Variants in BMP6 observed in about 807,000 individuals in gnomAD.
The protein encoded by BMP6 is VG-1-R.
BMP6 carries 17 observed loss-of-function variants against 54.1 expected under a neutral mutation model. The observed-to-expected ratio is 0.31, with a 90% CI of 0.22 to 0.47. The LOEUF (loss-of-function observed/expected upper bound fraction) is 0.47. Among genes scored for constraint, BMP6 ranks in the 20% least tolerant of loss-of-function variants. The pLI, the probability that BMP6 is intolerant of heterozygous loss-of-function variation, is 1.00. For synonymous variants in BMP6, 328 were observed against 291.2 expected (o/e 1.13, Z -1.28); for missense variants, 720 against 690.4 (o/e 1.04, Z -0.48).
intron 1 of BMP6, among the ~76,000 whole-genome samples, chr6:7,813,111 ATATATATATATATATAT>A (rs1581258649): frequency 5.2e-4 from 21 of 40,222 alleles, no homozygotes; most frequent in African/African-American, 7.2e-4. Flanking sequence ...AAAAAAAAAT[ATATATATATATATATAT>A]ATATATATAT....
chr6:7,809,108 A>ACCCCCCCCC (rs11365211), intron 1 of BMP6, among the ~76,000 whole-genome samples: 1 of 109,554 alleles, frequency 9.1e-6, no homozygotes, highest in Non-Finnish European at 1.9e-5. Context: ...AGTACCCCCC[A>ACCCCCCCCC]CCCCCCCCCA....
intron 4 of BMP6, among the ~76,000 whole-genome samples, chr6:7,878,275 T>C (rs1759653169): frequency 6.6e-6 from 1 of 152,198 alleles, no homozygotes; most frequent in Non-Finnish European, 1.5e-5. Flanking sequence ...AGGAAAGCCA[T>C]GTCTGACTTA....
intron 2 of BMP6, among the ~76,000 whole-genome samples, chr6:7,856,594 C>CTTTTTTTTTTTTTTTTTTT (rs1561792989): frequency 1.9e-4 from 15 of 77,230 alleles, no homozygotes; most frequent in South Asian, 5.5e-4. Context: ...TTATCAAGAG[C>CTTTTTTTTTTTTTTTTTTT]ATTTTTTTTT....
chr6:7,840,970 G>A (rs1462391606), intron 1 of BMP6, among the ~76,000 whole-genome samples: 3 of 152,140 alleles, frequency 2.0e-5, no homozygotes, highest in East Asian at 1.9e-4. Context: ...CTGTAGACTC[G>A]TGAATAAATT....
In BMP6 at chr6:7,871,206, C is replaced by T. The variant is rs1294199209; in HGVS notation, c.1205-7868C>T. ...AGAAAAGAAAAATCTCCACTTAAAACCCATGTTCAAATATCTGTAATGTTC... is the reference window on the plus strand; with the variant it reads ...AGAAAAGAAAAATCTCCACTTAAAATCCATGTTCAAATATCTGTAATGTTC... On this transcript the variant is annotated intron_variant, in intron 4 of 6. Coordinates refer to ENST00000283147, the MANE Select transcript of BMP6 (RefSeq NM_001718.6). Among the ~76,000 whole-genome samples, 5 of 152,324 alleles carry T rather than the reference C, an allele frequency of 3.3e-5. No homozygotes were observed. In the South Asian group the frequency reaches 1.0e-3, roughly 32 times the overall value.
chr6:7,880,523 A>C lies in BMP6; in HGVS notation c.*180A>C, dbSNP rs1316135413. 6 of 817,532 alleles carry C rather than the reference A, an allele frequency of 7.3e-6. No individual in the cohort carries two copies. The highest frequency in any genetic ancestry group is 9.5e-6 in the Non-Finnish European group (5 of 529,046). The allele number at this position is 817,532 out of a possible 1,614,324, so 50.6% of individuals were successfully genotyped here. The stretch of plus-strand genomic sequence containing the variant: ...TCATTAATAATTTGCTCACTTGGTA[A>C]ATGACGTGAGTAGTTGTTGGTCTGT... On this transcript the variant is annotated 3_prime_UTR_variant, in exon 7 of 7. Transcript: ENST00000283147.
At chr6:7,840,765 A>G (rs1758956122) in intron 1 of BMP6, among the ~76,000 whole-genome samples, 1 of 152,164 alleles carries the variant, frequency 6.6e-6, no homozygotes, top group South Asian at 2.1e-4. Flanking sequence ...TAAGGTCATT[A>G]TCATTTCAAA....
chr6:7,865,784 C>T (rs181050795), intron 4 of BMP6, among the ~76,000 whole-genome samples: 1 of 152,280 alleles, frequency 6.6e-6, no homozygotes, highest in East Asian at 1.9e-4. Flanking sequence ...CTCTGCTGCC[C>T]CCTTCTTCCA....
intron 5 of BMP6, among the ~76,000 whole-genome samples, chr6:7,879,739 C>T (rs1759681049): frequency 6.6e-6 from 1 of 152,176 alleles, no homozygotes; most frequent in Non-Finnish European, 1.5e-5. Context: ...TGCTGGCAAC[C>T]TACGTGCTTC....
intron 1 of BMP6, among the ~76,000 whole-genome samples, chr6:7,744,673 A>G (rs1438324378): frequency 6.6e-6 from 1 of 152,226 alleles, no homozygotes; most frequent in African/African-American, 2.4e-5. Context: ...ACAGAACATT[A>G]CTAGAAAGTT....
At chr6:7,778,910 A>G (rs1057435730) in intron 1 of BMP6, among the ~76,000 whole-genome samples, 3 of 152,180 alleles carry the variant, frequency 2.0e-5, no homozygotes, top group African/African-American at 7.2e-5. Context: ...TATTTTCTCC[A>G]GTATTCGTAT....
intron 4 of BMP6, among the ~76,000 whole-genome samples, chr6:7,868,109 C>A (rs532037670): frequency 2.1e-4 from 32 of 152,176 alleles, no homozygotes; most frequent in Non-Finnish European, 3.5e-4. Flanking sequence ...TAAAGGAAAT[C>A]TTTGTCTATT....
Position 7,852,142 on chromosome 6 carries a change from A to G in BMP6, c.857+6810A>G, listed in dbSNP as rs190692005. ...GTTATCTCCTTCCAGACTAGATTCA[A>G]TGTTCTTCTGTAAGGCAGACAAAAT... On this transcript the variant is annotated intron_variant, in intron 2 of 6. Coordinates refer to ENST00000283147, the MANE Select transcript of BMP6 (RefSeq NM_001718.6). Among the ~76,000 whole-genome samples the G allele has an allele frequency of 5.3e-5, 8 of 152,324 alleles. No individual in the cohort carries two copies. In the East Asian group the frequency reaches 5.8e-4, roughly 11 times the overall value.
At chr6:7,792,939 T>C (rs1164804072) in intron 1 of BMP6, among the ~76,000 whole-genome samples, 2 of 152,224 alleles carry the variant, frequency 1.3e-5, no homozygotes, top group Non-Finnish European at 2.9e-5. Context: ...TGCTCAAATA[T>C]AGTTACGTGT....
intron 1 of BMP6, among the ~76,000 whole-genome samples, chr6:7,733,238 C>T (rs896842509): frequency 6.6e-6 from 1 of 152,154 alleles, no homozygotes; most frequent in Admixed American, 6.5e-5. Context: ...AGCACAACGT[C>T]GTTACAGTTT....
chr6:7,877,839 C>T (rs768916570), intron 4 of BMP6, among the ~76,000 whole-genome samples: 1 of 152,172 alleles, frequency 6.6e-6, no homozygotes, highest in Non-Finnish European at 1.5e-5. Flanking sequence ...TTCTCTAAAG[C>T]CTTCTCCTTG....
chr6:7,788,899 G>C (rs1263498926), intron 1 of BMP6, among the ~76,000 whole-genome samples: 1 of 139,904 alleles, frequency 7.1e-6, no homozygotes, highest in Non-Finnish European at 1.5e-5. Flanking sequence ...AAAGTGTTCT[G>C]TGCTTTGCTC....
At chr6:7,858,172 TC>T (rs2113272461) in intron 2 of BMP6, among the ~76,000 whole-genome samples, 1 of 152,196 alleles carries the variant, frequency 6.6e-6, no homozygotes, top group East Asian at 1.9e-4. Flanking sequence ...AGCCTCCACT[TC>T]CCCGGACTCA....
At chr6:7,834,638 C>T (rs1258245715) in intron 1 of BMP6, among the ~76,000 whole-genome samples, 2 of 150,812 alleles carry the variant, frequency 1.3e-5, no homozygotes, top group Non-Finnish European at 2.9e-5. Context: ...CCCAGGAGTT[C>T]GAGACCAGCC....
Sources: gnomAD v4.1 joint callset for allele counts (sites outside exome capture counted in the v4.1 genomes callset) on GRCh38, gnomAD v4.1.1 for gene constraint, MANE v1.5 for transcripts, NCBI Gene and HGNC (gene_info 2026-07-23, HGNC 2026-07-21) for gene names.